ZDHHC14: variants seen among roughly 807,000 people sequenced by gnomAD.
ZDHHC14 encodes zDHHC palmitoyltransferase 14.
Under a neutral mutation model 47.7 loss-of-function variants are expected in ZDHHC14, and 16 were observed. That is an observed-to-expected ratio of 0.34 (90% CI 0.23 to 0.51). The LOEUF (loss-of-function observed/expected upper bound fraction) is 0.51, where lower values mean the gene tolerates loss of function less well. Among genes scored for constraint, ZDHHC14 ranks in the 20% least tolerant of loss-of-function variants. The pLI, the probability that ZDHHC14 is intolerant of heterozygous loss-of-function variation, is 0.97. For missense variants in ZDHHC14, 515 were observed against 662.5 expected (o/e 0.78, Z 2.44); for synonymous variants, 293 against 278.9 (o/e 1.05, Z -0.50).
chr6:157,568,512 A>T (rs925450397), intron 2 of ZDHHC14, among the ~76,000 whole-genome samples: 3 of 152,106 alleles, frequency 2.0e-5, no homozygotes, highest in African/African-American at 7.2e-5. Context: ...GTAGTAATCC[A>T]CTGTATGATC....
intron 3 of ZDHHC14, among the ~76,000 whole-genome samples, chr6:157,616,108 C>T (rs901380984): frequency 3.9e-5 from 6 of 152,148 alleles, no homozygotes; most frequent in Non-Finnish European, 4.4e-5. Flanking sequence ...GTCATTTGCA[C>T]TGGAAGGCCC....
At chr6:157,604,156 G>A (rs946104944) in intron 3 of ZDHHC14, among the ~76,000 whole-genome samples, 7 of 152,004 alleles carry the variant, frequency 4.6e-5, no homozygotes, top group African/African-American at 1.5e-4. Context: ...GCGTGGTGGC[G>A]GGTGCCTGTA....
chr6:157,484,340 T>TTATACGTATATATACACACATA (rs1218302507), intron 1 of ZDHHC14, among the ~76,000 whole-genome samples: 205 of 141,180 alleles, frequency 1.5e-3, no homozygotes, highest in Middle Eastern at 3.7e-3. Context: ...TATATATACA[T>TTATACGTATATATACACACATA]TATACGTATA....
At chr6:157,485,005 G>A (rs1470201736) in intron 1 of ZDHHC14, among the ~76,000 whole-genome samples, 1 of 152,184 alleles carries the variant, frequency 6.6e-6, no homozygotes, top group African/African-American at 2.4e-5. Context: ...GCTGAGGCAG[G>A]AGAAGCGCTT....
intron 5 of ZDHHC14, among the ~76,000 whole-genome samples, chr6:157,635,401 T>C (rs180984459): frequency 6.6e-6 from 1 of 152,364 alleles, no homozygotes; most frequent in Admixed American, 6.5e-5. Flanking sequence ...AGTCCTGGAC[T>C]GGGGTCAAAT....
rs763624822 is a variant in ZDHHC14, at chr6:157,382,055, T to G, written c.34T>G (p.Cys12Gly). 2.3e-5 allele frequency: 37 copies of G among 1,585,810 alleles called. No homozygotes were observed. The South Asian group carries it at 4.2e-4, about 18-fold the overall frequency. The change falls in exon 1 of 9, where the codon TGC becomes GGC. Residue 12 changes from cysteine to glycine, a missense_variant. Physicochemically the swap from Cys to Gly is radical, Grantham distance 159. This residue lies in a region of ZDHHC14 where 59 missense variants were observed against 57.7 expected (regional missense o/e 1.02). Coordinates refer to ENST00000359775, the MANE Select transcript of ZDHHC14 (RefSeq NM_024630.3). ...PPGGGGPMKDCEYSQISTHSS... is the reference protein window; with the variant it reads ...PPGGGGPMKDGEYSQISTHSS... Reference sequence around the variant, plus strand: ...CGGCGGCGGCGGGCCCATGAAAGACTGCGAGTACAGCCAGATCAGCACCCA... The same window carrying G: ...CGGCGGCGGCGGGCCCATGAAAGACGGCGAGTACAGCCAGATCAGCACCCA...
chr6:157,578,628 G>T (rs1468781917), intron 2 of ZDHHC14, among the ~76,000 whole-genome samples: 1 of 152,194 alleles, frequency 6.6e-6, no homozygotes, highest in Non-Finnish European at 1.5e-5. Context: ...GTCAAGGGCA[G>T]GACCAGGTGG....
intron 3 of ZDHHC14, among the ~76,000 whole-genome samples, chr6:157,610,452 G>T (rs1376894670): frequency 6.6e-6 from 1 of 150,710 alleles, no homozygotes; most frequent in African/African-American, 2.4e-5. Flanking sequence ...AAATAAAAAA[G>T]AATCTACACC....
At chr6:157,587,574 A>G (rs1439111680) in intron 2 of ZDHHC14, among the ~76,000 whole-genome samples, 1 of 152,224 alleles carries the variant, frequency 6.6e-6, no homozygotes, top group African/African-American at 2.4e-5. Flanking sequence ...ACAGCTGTTC[A>G]GTTATTCTAA....
chr6:157,569,299 G>A (rs1020700404), intron 2 of ZDHHC14, among the ~76,000 whole-genome samples: 13 of 151,938 alleles, frequency 8.6e-5, no homozygotes, highest in Non-Finnish European at 1.8e-4. Flanking sequence ...TGTCTTTGAA[G>A]GTGTGGTTTT....
At chr6:157,636,905 C>T (rs921281003) in intron 5 of ZDHHC14, among the ~76,000 whole-genome samples, 1 of 152,308 alleles carries the variant, frequency 6.6e-6, no homozygotes, top group East Asian at 1.9e-4. Context: ...CTCCCCTCAT[C>T]GATGCTGTGG....
At chr6:157,431,391 A>G (rs1185740065) in intron 1 of ZDHHC14, among the ~76,000 whole-genome samples, 2 of 152,172 alleles carry the variant, frequency 1.3e-5, no homozygotes, top group Non-Finnish European at 2.9e-5. Flanking sequence ...CTAACTGTGT[A>G]CTTGGGTCAC....
At chr6:157,544,451 C>A (rs898392205) in intron 2 of ZDHHC14, among the ~76,000 whole-genome samples, 1 of 152,122 alleles carries the variant, frequency 6.6e-6, no homozygotes, top group Admixed American at 6.5e-5. Context: ...AGTTTGAGAC[C>A]AGCCTGGCCA....
intron 3 of ZDHHC14, among the ~76,000 whole-genome samples, chr6:157,593,665 C>T (rs150232248): frequency 0.03 from 4,518 of 152,316 alleles, 209 homozygotes; most frequent in African/African-American, 0.091. Flanking sequence ...CCAACTTCCG[C>T]CAGGACAGGC....
At chr6:157,457,417 GA>G (rs1464094692) in intron 1 of ZDHHC14, among the ~76,000 whole-genome samples, 1 of 152,164 alleles carries the variant, frequency 6.6e-6, no homozygotes, top group African/African-American at 2.4e-5. Flanking sequence ...TATGAAACTG[GA>G]AATTTGCTCT....
chr6:157,395,981 G>A (rs555747323), intron 1 of ZDHHC14, among the ~76,000 whole-genome samples: 85 of 152,162 alleles, frequency 5.6e-4, no homozygotes, highest in African/African-American at 2.0e-3. Flanking sequence ...AGATCTCAGT[G>A]TATAGCAGTC....
At chr6:157,417,810 C>G (rs1234583049) in intron 1 of ZDHHC14, among the ~76,000 whole-genome samples, 1 of 152,036 alleles carries the variant, frequency 6.6e-6, no homozygotes, top group Non-Finnish European at 1.5e-5. Context: ...AAAAATTAGC[C>G]GGGCGTGGTT....
intron 3 of ZDHHC14, among the ~76,000 whole-genome samples, chr6:157,624,846 C>T (rs1785338513): frequency 6.6e-6 from 1 of 152,216 alleles, no homozygotes; most frequent in Non-Finnish European, 1.5e-5. Flanking sequence ...TTTTGTGCTG[C>T]TGTGACAGAG....
At chr6:157,424,344 G>A (rs1778173572) in intron 1 of ZDHHC14, among the ~76,000 whole-genome samples, 1 of 152,214 alleles carries the variant, frequency 6.6e-6, no homozygotes, top group Non-Finnish European at 1.5e-5. Context: ...AGTGAAGGCA[G>A]TATGGAGATG....
Sources: allele counts gnomAD v4.1 joint callset (sites outside exome capture counted in the v4.1 genomes callset), GRCh38; gene constraint gnomAD v4.1.1; regional missense constraint gnomAD v4.1.1; transcripts MANE v1.5; gene names NCBI Gene and HGNC (gene_info 2026-07-23, HGNC 2026-07-21).